MDGA2: variants seen among roughly 807,000 people sequenced by gnomAD.
MDGA2 encodes MAM domain containing glycosylphosphatidylinositol anchor 2.
A neutral mutation model predicts 117.8 loss-of-function variants in MDGA2; 40 were observed. That is an observed-to-expected ratio of 0.34 (90% CI 0.26 to 0.44). The LOEUF is 0.44. MDGA2 is among the 20% of genes least tolerant of loss of function. The probability of loss-of-function intolerance (pLI) is 1.00; values close to 1 mark genes in which losing one functional copy is unlikely to be tolerated. For synonymous variants in MDGA2, 452 were observed against 439.0 expected (o/e 1.03, Z -0.37); for missense variants, 1,123 against 1,250.6 (o/e 0.90, Z 1.54).
chr14:47,086,604 A>C (rs923625018), intron 6 of MDGA2, among the ~76,000 whole-genome samples: 2 of 77,900 alleles, frequency 2.6e-5, no homozygotes, highest in African/African-American at 5.5e-5. Context: ...GATAGAAGTT[A>C]AACATAGATT....
intron 8 of MDGA2, among the ~76,000 whole-genome samples, chr14:46,977,782 T>A (rs938406035): frequency 5.3e-5 from 8 of 151,790 alleles, no homozygotes; most frequent in African/African-American, 1.9e-4. Context: ...AAATAAAGAA[T>A]TTTTTCACAA....
chr14:47,362,280 A>T (rs1173447038), intron 1 of MDGA2, among the ~76,000 whole-genome samples: 1 of 152,154 alleles, frequency 6.6e-6, no homozygotes, highest in Non-Finnish European at 1.5e-5. Context: ...TACATATTAA[A>T]ATGAAGTTAT....
intron 5 of MDGA2, among the ~76,000 whole-genome samples, chr14:47,120,552 A>G (rs1416538041): frequency 2.0e-5 from 3 of 152,202 alleles, no homozygotes; most frequent in African/African-American, 7.2e-5. Context: ...CAAGAAGAGT[A>G]TGTTGTTATC....
chr14:47,444,307 G>A lies in MDGA2; in HGVS notation c.281-142757C>T, dbSNP rs139128008. 1.2e-3 allele frequency: 186 copies of A among 157,766 alleles called. 2 individuals carry two copies. The East Asian group carries it at 0.03, about 25-fold the overall frequency. 9.8% of individuals were successfully genotyped at this position (157,766 alleles called of 1,614,324 possible). A position where few individuals can be genotyped will look rare whatever the true frequency, so the allele number is the denominator to read the frequency against. ...CATGTTTAACCTGCCTGAGGGATTC[G>A]CAGCTCTTTTCCCAGCTGTGTAATC... On this transcript the variant is annotated intron_variant, in intron 1 of 16. Transcript: ENST00000399232.
intron 1 of MDGA2, among the ~76,000 whole-genome samples, chr14:47,624,485 T>C (rs1279433737): frequency 1.3e-5 from 2 of 151,986 alleles, no homozygotes; most frequent in South Asian, 2.1e-4. Flanking sequence ...AACAAACAAA[T>C]AAATAAATGA....
intron 3 of MDGA2, among the ~76,000 whole-genome samples, chr14:47,215,363 G>T (rs1886047806): frequency 6.6e-6 from 1 of 152,002 alleles, no homozygotes; most frequent in Admixed American, 6.6e-5. Context: ...TTAGACACCA[G>T]CATTGCCATA....
chr14:47,038,103 C>A (rs545416666), intron 7 of MDGA2, among the ~76,000 whole-genome samples: 115 of 152,034 alleles, frequency 7.6e-4, no homozygotes, highest in African/African-American at 2.6e-3. Flanking sequence ...CTAATTTTTT[C>A]ATATTTTTAG....
chr14:46,861,737 A>G (rs1370440903), intron 14 of MDGA2, among the ~76,000 whole-genome samples: 2 of 151,954 alleles, frequency 1.3e-5, no homozygotes, highest in Non-Finnish European at 2.9e-5. Flanking sequence ...AATGCAAACT[A>G]CTTATTACTG....
downstream of MDGA2, among the ~76,000 whole-genome samples, chr14:46,839,783 G>A (rs1482620240): frequency 1.3e-5 from 2 of 151,802 alleles, no homozygotes. Flanking sequence ...TAATTTAAAG[G>A]ACTTGGTTCA....
chr14:47,643,808 C>T (rs1367494325), intron 1 of MDGA2, among the ~76,000 whole-genome samples: 1 of 152,172 alleles, frequency 6.6e-6, no homozygotes, highest in East Asian at 1.9e-4. Context: ...TTTTAAATGG[C>T]ATAGATTCTC....
chr14:47,381,389 G>C (rs974161018), intron 1 of MDGA2, among the ~76,000 whole-genome samples: 1 of 152,054 alleles, frequency 6.6e-6, no homozygotes. Flanking sequence ...AGAAATAAAG[G>C]GTATTCAATT....
intron 8 of MDGA2, among the ~76,000 whole-genome samples, chr14:47,000,246 A>G (rs987999048): frequency 6.7e-6 from 1 of 148,402 alleles, no homozygotes; most frequent in African/African-American, 2.5e-5. Context: ...AAGGGTAGAA[A>G]GCCTGACTTC....
At chr14:47,587,334 T>C (rs1896343999) in intron 1 of MDGA2, among the ~76,000 whole-genome samples, 1 of 151,866 alleles carries the variant, frequency 6.6e-6, no homozygotes, top group Admixed American at 6.6e-5. Context: ...TTTTGGAATA[T>C]ATATTTATTA....
At chr14:47,638,952 G>T (rs189721175) in intron 1 of MDGA2, among the ~76,000 whole-genome samples, 77 of 152,188 alleles carry the variant, frequency 5.1e-4, no homozygotes, top group African/African-American at 1.8e-3. Context: ...ATTCCTTGAA[G>T]ATACCAGACA....
chr14:46,900,369 G>A (rs774755936), intron 10 of MDGA2, among the ~76,000 whole-genome samples: 6 of 152,272 alleles, frequency 3.9e-5, no homozygotes, highest in Admixed American at 2.6e-4. Flanking sequence ...ATTTATCCCA[G>A]AGAAACAAGT....
chr14:47,127,073 A>G (rs981282622), intron 5 of MDGA2, among the ~76,000 whole-genome samples: 4 of 152,156 alleles, frequency 2.6e-5, no homozygotes, highest in African/African-American at 9.6e-5. Context: ...TTTTATAAAC[A>G]TATTGGTTTA....
At chr14:47,124,427 G>A (rs944746698) in intron 5 of MDGA2, among the ~76,000 whole-genome samples, 1 of 152,070 alleles carries the variant, frequency 6.6e-6, no homozygotes, top group Non-Finnish European at 1.5e-5. Flanking sequence ...TCTCAATAGA[G>A]TCACTTCTTT....
chr14:47,251,666 C>T (rs2139643651), intron 2 of MDGA2, among the ~76,000 whole-genome samples: 1 of 152,118 alleles, frequency 6.6e-6, no homozygotes, highest in Middle Eastern at 3.4e-3. Context: ...AAAAGCACAC[C>T]AAGATGTTCA....
intron 2 of MDGA2, among the ~76,000 whole-genome samples, chr14:47,277,083 A>G (rs1028829): frequency 0.19 from 29,556 of 152,048 alleles, 3,120 homozygotes; most frequent in South Asian, 0.29. Context: ...TCTGAGCCAT[A>G]AAGCTCTTAT....
Sources: gnomAD v4.1 joint callset for allele counts (sites outside exome capture counted in the v4.1 genomes callset) on GRCh38, gnomAD v4.1.1 for gene constraint, MANE v1.5 for transcripts, NCBI Gene and HGNC (gene_info 2026-07-23, HGNC 2026-07-21) for gene names.